MTA1: variants seen among roughly 807,000 people sequenced by gnomAD.
MTA1 encodes metastasis associated 1.
Under a neutral mutation model 97.0 loss-of-function variants are expected in MTA1, and 15 were observed. The observed-to-expected ratio is 0.15, with a 90% CI of 0.10 to 0.24. The LOEUF (loss-of-function observed/expected upper bound fraction) is 0.24. Among genes scored for constraint, MTA1 ranks in the 10% least tolerant of loss-of-function variants. The probability of loss-of-function intolerance (pLI) is 1.00; values close to 1 mark genes in which losing one functional copy is unlikely to be tolerated. For synonymous variants in MTA1, 435 were observed against 417.5 expected (o/e 1.04, Z -0.51); for missense variants, 709 against 1,015.1 (o/e 0.70, Z 4.10).
chr14:105,463,685 G>A lies in MTA1; in HGVS notation c.1076+134G>A, dbSNP rs1374973035. On this transcript the variant is annotated intron_variant, in intron 12 of 20. Transcript: ENST00000331320. The surrounding 1 kb of genome is among the most constrained non-coding windows in gnomAD (Gnocchi z 5.9). ...GGAAAGTTGGGGCAGCCCCCGGGAG[G>A]GCGGCCCAGGGCTGGGGGGTTCTGG... 2 of 832,846 alleles carry A rather than the reference G, an allele frequency of 2.4e-6. No homozygotes were observed. Among genetic ancestry groups the A allele is most frequent in the African/African-American group, 1.7e-5 (1 of 58,386 alleles). The allele number at this position is 832,846 out of a possible 1,614,324, so 51.6% of individuals were successfully genotyped here. A position where few individuals can be genotyped will look rare whatever the true frequency, so the allele number is the denominator to read the frequency against.
intron 1 of MTA1, among the ~76,000 whole-genome samples, chr14:105,430,512 G>T (rs2082146835): frequency 6.6e-6 from 1 of 152,086 alleles, no homozygotes; most frequent in South Asian, 2.1e-4. Flanking sequence ...AATGTTGAGA[G>T]AATTACCAAA....
At chr14:105,468,468 C>A in intron 18 of MTA1, 1 of 960,224 alleles carries the variant, frequency 1.0e-6, no homozygotes, top group Non-Finnish European at 1.5e-6. Flanking sequence ...TGGGCCCCCA[C>A]CTGACCCTGC....
At chr14:105,447,160 G>A (rs1595351128) in intron 3 of MTA1, among the ~76,000 whole-genome samples, 1 of 152,120 alleles carries the variant, frequency 6.6e-6, no homozygotes, top group Non-Finnish European at 1.5e-5. Context: ...GGGCTGGCCC[G>A]CTGGAGAAGC....
At chr14:105,438,621 G>A in intron 1 of MTA1, 51 bp from the exon 2 acceptor site, 1 of 1,562,674 alleles carries the variant, frequency 6.4e-7, no homozygotes, top group Non-Finnish European at 8.8e-7. Context: ...AGGTGGGACT[G>A]GGTCTGGCCT....
intron 20 of MTA1, 27 bp from the exon 21 acceptor site, chr14:105,470,038 G>A (rs782152042): frequency 2.0e-5 from 33 of 1,612,564 alleles, no homozygotes; most frequent in Non-Finnish European, 2.5e-5. Flanking sequence ...ACAGCGTCCC[G>A]GCCCTCACCA....
chr14:105,428,804 G>T (rs1252829010), intron 1 of MTA1, among the ~76,000 whole-genome samples: 1 of 151,346 alleles, frequency 6.6e-6, no homozygotes. Context: ...ACTGTATGTA[G>T]CCTCAGTCTC....
intron 8 of MTA1, 99 bp from the exon 9 acceptor site, chr14:105,460,259 G>T: frequency 9.1e-7 from 1 of 1,097,776 alleles, no homozygotes; most frequent in Non-Finnish European, 1.3e-6. Flanking sequence ...GGGAGTCCGT[G>T]CTGCCCGTGG....
At chr14:105,432,995 C>A (rs2082222372) in intron 1 of MTA1, among the ~76,000 whole-genome samples, 1 of 152,172 alleles carries the variant, frequency 6.6e-6, no homozygotes, top group Non-Finnish European at 1.5e-5. Context: ...TGTAGCGTAA[C>A]CCCGTGCTGT....
chr14:105,435,086 G>A (rs868944055), intron 1 of MTA1, among the ~76,000 whole-genome samples: 38 of 152,290 alleles, frequency 2.5e-4, no homozygotes, highest in Middle Eastern at 3.4e-3. Context: ...CACCACTGAG[G>A]ATGATGCTAG....
At chr14:105,425,119 C>G (rs2081970285) in intron 1 of MTA1, among the ~76,000 whole-genome samples, 1 of 152,198 alleles carries the variant, frequency 6.6e-6, no homozygotes, top group African/African-American at 2.4e-5. Flanking sequence ...GCTGCAGGGC[C>G]TCCTTCCTCC....
Position 105,449,221 on chromosome 14 carries a change from C to A in MTA1, c.191-138C>A, listed in dbSNP as rs2082827322. 4 of 748,984 alleles carry A rather than the reference C, an allele frequency of 5.3e-6. No individual in the cohort carries two copies. The Admixed American group carries it at 1.3e-4, about 23-fold the overall frequency. The allele number at this position is 748,984 out of a possible 1,614,324, so 46.4% of individuals were successfully genotyped here. On this transcript the variant is annotated intron_variant, in intron 3 of 20. Transcript: ENST00000331320. ...AGATGATCTTCAACCGGGTGGTCTTCACGCCCCACCGGGAGGCCTGCGGCC... is the reference window on the plus strand; with the variant it reads ...AGATGATCTTCAACCGGGTGGTCTTAACGCCCCACCGGGAGGCCTGCGGCC...
chr14:105,454,994 C>T (rs2083087267), intron 7 of MTA1, among the ~76,000 whole-genome samples: 1 of 152,166 alleles, frequency 6.6e-6, no homozygotes, highest in Non-Finnish European at 1.5e-5. Context: ...CAGCCTCGAC[C>T]TCCCAGGCTC....
Position 105,450,342 on chromosome 14 carries a change from C to G in MTA1, c.432+18C>G. On this transcript the variant is annotated intron_variant, in intron 6 of 20. Transcript: ENST00000331320. ...AGCGGGAGGTGAGGCCCAGCCCGGCCTGGTCTGCCGCAGCCAGTCCCGGGC... is the reference window on the plus strand; with the variant it reads ...AGCGGGAGGTGAGGCCCAGCCCGGCGTGGTCTGCCGCAGCCAGTCCCGGGC... The G allele has an allele frequency of 6.3e-7, 1 of 1,595,678 alleles. No individual in the cohort carries two copies. The highest frequency in any genetic ancestry group is 8.6e-7 in the Non-Finnish European group (1 of 1,167,142).
chr14:105,453,566 T>C (rs1249488383), intron 6 of MTA1, among the ~76,000 whole-genome samples: 2 of 152,066 alleles, frequency 1.3e-5, no homozygotes, highest in Non-Finnish European at 2.9e-5. Flanking sequence ...TTCCAGCACT[T>C]TGGGAGGCCG....
At chr14:105,466,938 C>G (rs1451946067) in intron 18 of MTA1, 196 bp downstream of exon 18, 1 of 621,860 alleles carries the variant, frequency 1.6e-6, no homozygotes, top group Non-Finnish European at 2.8e-6. Context: ...GCCCAGGCAT[C>G]TGGCCCTCGG....
rs200925569 is a variant in MTA1, at chr14:105,463,591, G to A, written c.1076+40G>A. The A allele has an allele frequency of 1.3e-6, 2 of 1,598,292 alleles. No homozygotes were observed. ...ACAGCCGTCGTCCTCGTGGCCCCGG[G>A]GGCCAGGGAGGGTGGGCACAGGGTG... On this transcript the variant is annotated intron_variant, in intron 12 of 20. Transcript: ENST00000331320. The surrounding 1 kb of genome is among the most constrained non-coding windows in gnomAD (Gnocchi z 5.9).
At chr14:105,429,752 C>CCTCTTTT (rs1349946234) in intron 1 of MTA1, among the ~76,000 whole-genome samples, 1 of 50,570 alleles carries the variant, frequency 2.0e-5, no homozygotes. Flanking sequence ...TGCGCCCGGC[C>CCTCTTTT]TTTTTTTTTT....
chr14:105,445,397 G>C (rs377734033), intron 2 of MTA1, 21 bp from the exon 3 acceptor site: 23 of 1,610,562 alleles, frequency 1.4e-5, no homozygotes, highest in Non-Finnish European at 1.8e-5. Context: ...TTTCTCAGAC[G>C]CCCCTGCCTT....
chr14:105,435,660 T>C (rs1302147138), intron 1 of MTA1, among the ~76,000 whole-genome samples: 1 of 152,178 alleles, frequency 6.6e-6, no homozygotes, highest in African/African-American at 2.4e-5. Context: ...TTTCCTTAAA[T>C]GTTTGATAGA....
Sources: allele counts gnomAD v4.1 joint callset (sites outside exome capture counted in the v4.1 genomes callset), GRCh38; gene constraint gnomAD v4.1.1; non-coding constraint Gnocchi (gnomAD v3.1); transcripts MANE v1.5; gene names NCBI Gene and HGNC (gene_info 2026-07-23, HGNC 2026-07-21).